Variants in THSD7A observed in about 807,000 individuals in gnomAD.
THSD7A encodes thrombospondin type 1 domain containing 7A.
Under a neutral mutation model 231.3 loss-of-function variants are expected in THSD7A, and 96 were observed. That is an observed-to-expected ratio of 0.41 (90% CI 0.35 to 0.49). THSD7A has a LOEUF of 0.49. THSD7A is among the 20% of genes least tolerant of loss of function. The pLI, the probability that THSD7A is intolerant of heterozygous loss-of-function variation, is 0.05. For synonymous variants in THSD7A, 940 were observed against 743.3 expected (o/e 1.26, Z -4.30); for missense variants, 2,290 against 2,070.2 (o/e 1.11, Z -2.06).
intron 1 of THSD7A, among the ~76,000 whole-genome samples, chr7:11,657,711 A>C (rs1782760517): frequency 6.6e-6 from 1 of 151,836 alleles, no homozygotes; most frequent in African/African-American, 2.4e-5. Context: ...CACAGATAAG[A>C]ACTTTGTCAC....
chr7:11,736,390 G>A (rs529772133), intron 1 of THSD7A, among the ~76,000 whole-genome samples: 2 of 152,072 alleles, frequency 1.3e-5, no homozygotes, highest in Admixed American at 6.6e-5. Context: ...GAGATCAGGA[G>A]TTTGAGGCTA....
At position 11,482,828 on chromosome 7, in the gene THSD7A, T is replaced by C. The variant is rs1211755695; in HGVS notation, c.1823-846A>G. Among the ~76,000 whole-genome samples, 5 of 152,156 alleles carry C rather than the reference T, an allele frequency of 3.3e-5. No individual in the cohort carries two copies. In the East Asian group the frequency reaches 9.6e-4, roughly 29 times the overall value. On this transcript the variant is annotated intron_variant, in intron 6 of 27. Coordinates refer to ENST00000423059, the MANE Select transcript of THSD7A (RefSeq NM_015204.3). The stretch of plus-strand genomic sequence containing the variant: ...AAATGGACACTTATTTAATATTTGC[T>C]GAATGCGTGAAATGAGATATATAAA...
chr7:11,748,942 G>A (rs141903639), intron 1 of THSD7A, among the ~76,000 whole-genome samples: 2,479 of 151,902 alleles, frequency 0.016, 55 homozygotes, highest in African/African-American at 0.056. Flanking sequence ...AGCGAACACC[G>A]GGAATGAAGT....
Position 11,474,210 on chromosome 7 carries a change from T to A in THSD7A, c.2252+124A>T. The A allele has an allele frequency of 1.3e-6, 1 of 764,508 alleles. No individual in the cohort carries two copies. The highest frequency in any genetic ancestry group is 2.0e-6 in the Non-Finnish European group (1 of 491,650). 47.4% of individuals were successfully genotyped at this position (764,508 alleles called of 1,614,324 possible). On this transcript the variant is annotated intron_variant, in intron 8 of 27. Coordinates refer to ENST00000423059, the MANE Select transcript of THSD7A (RefSeq NM_015204.3). This position sits in a 1 kb window ranked among gnomAD's most constrained non-coding sequence, Gnocchi z 4.1. ...GTGGCTGACTTTCAAAACAAACAAA[T>A]CTTGCTCTTGAGGACAGGTATGACA...
chr7:11,435,341 G>A (rs1327853300), intron 13 of THSD7A, among the ~76,000 whole-genome samples: 1 of 152,022 alleles, frequency 6.6e-6, no homozygotes, highest in Admixed American at 6.6e-5. Flanking sequence ...TTCATGGTGG[G>A]CTCCTCAGAC....
intron 6 of THSD7A, among the ~76,000 whole-genome samples, chr7:11,525,116 C>T (rs1268635360): frequency 6.6e-6 from 1 of 152,268 alleles, no homozygotes; most frequent in East Asian, 1.9e-4. Context: ...TTTTTAAATG[C>T]TTTTATCAAA....
intron 6 of THSD7A, among the ~76,000 whole-genome samples, chr7:11,518,585 G>A (rs1013177216): frequency 4.6e-5 from 6 of 129,722 alleles, no homozygotes; most frequent in South Asian, 5.1e-4. Context: ...CCTGTAGCTG[G>A]AAATAAAATA....
rs1375334025 is a variant in THSD7A, at chr7:11,372,996, T to C, written c.*2798A>G. 1 of 151,942 alleles carries C rather than the reference T, an allele frequency of 6.6e-6. No homozygotes were observed. The highest frequency in any genetic ancestry group is 1.5e-5 in the Non-Finnish European group (1 of 67,944). 9.4% of individuals were successfully genotyped at this position (151,942 alleles called of 1,614,324 possible). A position where few individuals can be genotyped will look rare whatever the true frequency, so the allele number is the denominator to read the frequency against. On this transcript the variant is annotated 3_prime_UTR_variant, in exon 28 of 28. Transcript: ENST00000423059. The stretch of plus-strand genomic sequence containing the variant: ...TTATTTATCCTAACAAACAGTGACC[T>C]TCCAATATGTTCTCTAATATTAGGT...
rs117997205 is a variant in THSD7A at position 11,695,106 on chromosome 7, A to G, written c.191-58145T>C. Reference sequence around the variant, plus strand: ...AATTTCTCATAATCTCATAGGTAACATTTGAATGAAATGAGATATTAAACC... The same window carrying G: ...AATTTCTCATAATCTCATAGGTAACGTTTGAATGAAATGAGATATTAAACC... On this transcript the variant is annotated intron_variant, in intron 1 of 27. Transcript: ENST00000423059. Among the ~76,000 whole-genome samples, 91 of 151,678 alleles carry G rather than the reference A, an allele frequency of 6.0e-4. No individual in the cohort carries two copies. The East Asian group carries it at 0.016, about 26-fold the overall frequency.
At chr7:11,464,032 G>A (rs1209715177) in intron 9 of THSD7A, among the ~76,000 whole-genome samples, 1 of 152,048 alleles carries the variant, frequency 6.6e-6, no homozygotes, top group Non-Finnish European at 1.5e-5. Context: ...GCTTGCCACA[G>A]CTTTGATTTT....
At chr7:11,556,310 CAT>C (rs1047061334) in intron 4 of THSD7A, among the ~76,000 whole-genome samples, 1 of 148,924 alleles carries the variant, frequency 6.7e-6, no homozygotes, top group African/African-American at 2.4e-5. Flanking sequence ...TATATATGTA[CAT>C]ATATATACAA....
chr7:11,696,751 C>G (rs1562483999), intron 1 of THSD7A, among the ~76,000 whole-genome samples: 1 of 151,386 alleles, frequency 6.6e-6, no homozygotes, highest in Admixed American at 6.6e-5. Context: ...TTATGGATGT[C>G]AAACCAGGGT....
chr7:11,466,786 C>A (rs1351135163), intron 9 of THSD7A, among the ~76,000 whole-genome samples: 1 of 152,068 alleles, frequency 6.6e-6, no homozygotes, highest in Non-Finnish European at 1.5e-5. Flanking sequence ...CATTTTTGCA[C>A]TCTCTTGCCA....
intron 1 of THSD7A, among the ~76,000 whole-genome samples, chr7:11,671,544 A>G (rs1209780120): frequency 6.6e-6 from 1 of 152,180 alleles, no homozygotes; most frequent in African/African-American, 2.4e-5. Flanking sequence ...ATTGTCGTGA[A>G]GTCCATTTAG....
intron 1 of THSD7A, among the ~76,000 whole-genome samples, chr7:11,691,783 G>C (rs1372074639): frequency 6.6e-6 from 1 of 151,152 alleles, no homozygotes; most frequent in Non-Finnish European, 1.5e-5. Context: ...CTCCATATAT[G>C]AGTAAAACTT....
At chr7:11,597,038 T>C (rs1780387420) in intron 2 of THSD7A, among the ~76,000 whole-genome samples, 1 of 152,244 alleles carries the variant, frequency 6.6e-6, no homozygotes, top group Non-Finnish European at 1.5e-5. Flanking sequence ...TTCCACAAAG[T>C]ATCACACTGG....
At chr7:11,428,241 T>G (rs1460055456) in intron 14 of THSD7A, among the ~76,000 whole-genome samples, 1 of 152,306 alleles carries the variant, frequency 6.6e-6, no homozygotes, top group Non-Finnish European at 1.5e-5. Context: ...GCTAATTCAC[T>G]TATAGGCCAA....
rs377161991 is a variant in THSD7A, at chr7:11,775,310, A to G, written c.190+56447T>C. On this transcript the variant is annotated intron_variant, in intron 1 of 27. Transcript: ENST00000423059. The stretch of plus-strand genomic sequence containing the variant: ...TGGTGTTTCCTCAAACCCATTAAAC[A>G]TATAATTACCATATTACCCAGCAAT... Among the ~76,000 whole-genome samples the G allele has an allele frequency of 7.9e-5, 12 of 152,302 alleles. No individual in the cohort carries two copies. In the East Asian group the frequency reaches 1.9e-3, roughly 25 times the overall value.
At chr7:11,627,798 C>A (rs1258809335) in intron 2 of THSD7A, among the ~76,000 whole-genome samples, 1 of 152,128 alleles carries the variant, frequency 6.6e-6, no homozygotes, top group East Asian at 1.9e-4. Context: ...TATGTTCTGA[C>A]TGCCTAGTTG....
Sources: allele counts gnomAD v4.1 joint callset (sites outside exome capture counted in the v4.1 genomes callset), GRCh38; gene constraint gnomAD v4.1.1; non-coding constraint Gnocchi (gnomAD v3.1); transcripts MANE v1.5; gene names NCBI Gene and HGNC (gene_info 2026-07-23, HGNC 2026-07-21).